ARHGAP26: variants seen among roughly 807,000 people sequenced by gnomAD.
ARHGAP26 encodes the protein Rho GTPase activating protein 26.
Under a neutral mutation model 104.8 loss-of-function variants are expected in ARHGAP26, and 38 were observed. The ratio of observed to expected loss-of-function variants is 0.36; its 90% confidence interval spans 0.28 to 0.48. The LOEUF (loss-of-function observed/expected upper bound fraction) is 0.48. Ranked by LOEUF, ARHGAP26 falls within the 20% of genes least tolerant of loss-of-function variation. The pLI is 0.99. For missense variants in ARHGAP26, 704 were observed against 947.9 expected (o/e 0.74, Z 3.38); for synonymous variants, 341 against 340.0 (o/e 1.00, Z -0.03).
At chr5:142,843,004 G>A (rs1771111381) in intron 1 of ARHGAP26, among the ~76,000 whole-genome samples, 1 of 152,128 alleles carries the variant, frequency 6.6e-6, no homozygotes, top group Non-Finnish European at 1.5e-5. Flanking sequence ...CCAAACCTTT[G>A]TTCCCCCATA....
chr5:142,992,928 G>C (rs1775832880), intron 11 of ARHGAP26, among the ~76,000 whole-genome samples: 1 of 152,144 alleles, frequency 6.6e-6, no homozygotes, highest in African/African-American at 2.4e-5. Flanking sequence ...CTAGACAGAT[G>C]GCAATTTACT....
intron 17 of ARHGAP26, among the ~76,000 whole-genome samples, chr5:143,069,211 A>G (rs1347751940): frequency 6.6e-6 from 1 of 152,184 alleles, no homozygotes; most frequent in Non-Finnish European, 1.5e-5. Flanking sequence ...CCATGTCAGT[A>G]TCTAATATAC....
rs564278576 is a variant in ARHGAP26 at position 142,866,380 on chromosome 5, C to G, written c.155-7020C>G. ...CATGATCTTGGGCACGTTATTTAAC[C>G]TCTCTGAGCCTCAGTTTCCCATCTG... On this transcript the variant is annotated intron_variant, in intron 1 of 22. Transcript: ENST00000645722. Among the ~76,000 whole-genome samples, 34 of 152,266 alleles carry G rather than the reference C, an allele frequency of 2.2e-4. No homozygotes were observed. The South Asian group carries it at 6.8e-3, about 31-fold the overall frequency.
rs577132047 is a variant in ARHGAP26, at chr5:143,074,282, G to T, written c.1538+16535G>T. On this transcript the variant is annotated intron_variant, in intron 17 of 22. Transcript: ENST00000645722. ...GTGTGTGTGTTTCTGCATTGTTTTT[G>T]TCCTACTTACAGGTACTGTAAGGAT... Among the ~76,000 whole-genome samples, 59 of 152,106 alleles carry T rather than the reference G, an allele frequency of 3.9e-4. 2 individuals are homozygous for T. The highest frequency in any genetic ancestry group is 3.3e-3 in the Admixed American group (50 of 15,278).
At chr5:143,139,636 A>G (rs527651504) in intron 19 of ARHGAP26, among the ~76,000 whole-genome samples, 1 of 152,344 alleles carries the variant, frequency 6.6e-6, no homozygotes, top group African/African-American at 2.4e-5. Context: ...CCAACTACAC[A>G]GAGAGCGATA....
At chr5:143,162,002 A>G (rs1801291556) in intron 20 of ARHGAP26, among the ~76,000 whole-genome samples, 1 of 152,216 alleles carries the variant, frequency 6.6e-6, no homozygotes, top group African/African-American at 2.4e-5. Context: ...GTCTGTCATC[A>G]TATCAGACGT....
chr5:143,194,951 G>A (rs1806577711), intron 20 of ARHGAP26, among the ~76,000 whole-genome samples: 1 of 152,168 alleles, frequency 6.6e-6, no homozygotes, highest in African/African-American at 2.4e-5. Flanking sequence ...GAAGGAGCAG[G>A]GCCAGGTGTG....
At chr5:143,064,443 A>G (rs1160955857) in intron 17 of ARHGAP26, among the ~76,000 whole-genome samples, 1 of 146,592 alleles carries the variant, frequency 6.8e-6, no homozygotes, top group East Asian at 2.0e-4. Context: ...TTTCTGATAG[A>G]TGGGAGGTCC....
chr5:143,185,314 A>G (rs945510557), intron 20 of ARHGAP26, among the ~76,000 whole-genome samples: 4 of 151,690 alleles, frequency 2.6e-5, no homozygotes, highest in Non-Finnish European at 4.4e-5. Context: ...AGGAGTACTG[A>G]TAAGATTGGT....
chr5:143,131,200 CTTGG>C (rs1797311069), intron 18 of ARHGAP26, among the ~76,000 whole-genome samples: 1 of 152,196 alleles, frequency 6.6e-6, no homozygotes, highest in African/African-American at 2.4e-5. Context: ...TAAATATTGT[CTTGG>C]AAGCAATTTT....
At chr5:143,024,130 G>A (rs1248548280) in intron 12 of ARHGAP26, among the ~76,000 whole-genome samples, 1 of 152,192 alleles carries the variant, frequency 6.6e-6, no homozygotes, top group East Asian at 1.9e-4. Flanking sequence ...CGGAGGGCAG[G>A]GGGCTGGAGA....
At chr5:143,221,923 T>TGGAAGGAA (rs35244313) in intron 22 of ARHGAP26, among the ~76,000 whole-genome samples, 37,642 of 150,182 alleles carry the variant, frequency 0.25, 4,858 homozygotes, top group East Asian at 0.4. Context: ...GGTGGATGGA[T>TGGAAGGAA]GGAAGGAAGG....
At chr5:143,218,240 C>T (rs1457836985) in intron 22 of ARHGAP26, among the ~76,000 whole-genome samples, 3 of 152,136 alleles carry the variant, frequency 2.0e-5, no homozygotes, top group South Asian at 2.1e-4. Context: ...AGCTTTTTCC[C>T]GTCACAGGGC....
intron 14 of ARHGAP26, among the ~76,000 whole-genome samples, chr5:143,044,276 A>G (rs1216245948): frequency 6.6e-6 from 1 of 152,150 alleles, no homozygotes; most frequent in African/African-American, 2.4e-5. Context: ...TGATGTCTTT[A>G]CTTTTGCTAG....
chr5:143,069,353 A>G (rs1787938888), intron 17 of ARHGAP26, among the ~76,000 whole-genome samples: 1 of 151,998 alleles, frequency 6.6e-6, no homozygotes, highest in Non-Finnish European at 1.5e-5. Context: ...CTCAATAAAT[A>G]TTTGTTGAAT....
At chr5:142,910,257 T>G (rs1196285700) in intron 9 of ARHGAP26, among the ~76,000 whole-genome samples, 1 of 152,162 alleles carries the variant, frequency 6.6e-6, no homozygotes, top group Non-Finnish European at 1.5e-5. Flanking sequence ...TTTAACAAGT[T>G]ACAGAGCTGG....
At chr5:142,887,570 G>A (rs1430035969) in intron 5 of ARHGAP26, among the ~76,000 whole-genome samples, 1 of 152,094 alleles carries the variant, frequency 6.6e-6, no homozygotes, top group Non-Finnish European at 1.5e-5. Flanking sequence ...TTTCCATTAT[G>A]CTCTTTTATT....
At chr5:143,034,552 A>G (rs1782340686) in intron 12 of ARHGAP26, among the ~76,000 whole-genome samples, 1 of 152,204 alleles carries the variant, frequency 6.6e-6, no homozygotes. Context: ...AGGCAAATCC[A>G]TAGAAAAGGA....
intron 13 of ARHGAP26, 73 bp from the exon 14 acceptor site, chr5:143,041,743 T>C (rs996568852): frequency 1.1e-6 from 1 of 872,442 alleles, no homozygotes; most frequent in Admixed American, 3.5e-5. Context: ...AAAAAAAAAG[T>C]GCATTTGGCT....
Sources: allele counts gnomAD v4.1 joint callset (sites outside exome capture counted in the v4.1 genomes callset), GRCh38; gene constraint gnomAD v4.1.1; transcripts MANE v1.5; gene names NCBI Gene and HGNC (gene_info 2026-07-23, HGNC 2026-07-21).